The following ELAVL4 variants were observed in gnomAD, a reference collection of about 807,000 sequenced individuals.
ELAVL4 encodes ELAV like RNA binding protein 4, also known as ELAV-like protein 4.
ELAVL4 carries 1 observed loss-of-function variant against 35.6 expected under a neutral mutation model. The observed-to-expected ratio is 0.03, with a 90% CI of 0.01 to 0.13. ELAVL4 has a LOEUF of 0.13. Among genes scored for constraint, ELAVL4 ranks in the 10% least tolerant of loss-of-function variants. The pLI is 1.00. For synonymous variants in ELAVL4, 156 were observed against 171.0 expected, an observed-to-expected ratio of 0.91 and a Z score of 0.69; for missense variants, 267 against 464.9, an observed-to-expected ratio of 0.57 and a Z score of 3.91.
At position 50,195,755 on chromosome 1, in the gene ELAVL4, G is replaced by A. The variant is rs1644017093; in HGVS notation, c.703G>A (p.Gly235Ser). ...CCAGTCCCCCAACCGGCGCTACCCAGGTCCACTTCACCACCAGGCTCAGAG... is the reference window on the plus strand; with the variant it reads ...CCAGTCCCCCAACCGGCGCTACCCAAGTCCACTTCACCACCAGGCTCAGAG... The part of the protein sequence containing the change: ...LYQSPNRRYP[G>S]PLHHQAQRFR... Residue 235 changes from glycine to serine, a missense_variant, in exon 5 of 7, where the codon GGT (glycine) becomes AGT (serine). Gly to Ser is a moderately conservative substitution (Grantham distance 56, BLOSUM62 0). This residue lies in a region of ELAVL4 where 216 missense variants were observed against 409.5 expected (regional missense o/e 0.53). Coordinates refer to ENST00000371824, the MANE Select transcript of ELAVL4 (RefSeq NM_001144774.3). The A allele has an allele frequency of 5.6e-6, 9 of 1,614,022 alleles. No individual in the cohort carries two copies. Among genetic ancestry groups the A allele is most frequent in the African/African-American group, 1.3e-5 (1 of 74,940 alleles).
intron 1 of ELAVL4, among the ~76,000 whole-genome samples, chr1:50,049,835 A>C (rs1280581853): frequency 6.6e-6 from 1 of 152,190 alleles, no homozygotes; most frequent in Non-Finnish European, 1.5e-5. Flanking sequence ...TGAAGAACTA[A>C]AGTAATCCTC....
intron 1 of ELAVL4, among the ~76,000 whole-genome samples, chr1:50,082,925 T>C (rs762135922): frequency 7.9e-5 from 12 of 152,194 alleles, no homozygotes; most frequent in Admixed American, 2.0e-4. Flanking sequence ...TTGTGCCTTG[T>C]ACCCAGTGAA....
At chr1:50,093,530 C>T (rs912395271) in intron 1 of ELAVL4, among the ~76,000 whole-genome samples, 2 of 152,134 alleles carry the variant, frequency 1.3e-5, no homozygotes, top group South Asian at 2.1e-4. Context: ...GTAATGTGAC[C>T]ATGTGACCTG....
At chr1:50,133,572 AAG>A (rs1196627702) in intron 1 of ELAVL4, among the ~76,000 whole-genome samples, 2 of 149,724 alleles carry the variant, frequency 1.3e-5, no homozygotes, top group Non-Finnish European at 3.0e-5. Context: ...AAAAGAAAGA[AAG>A]AGAGAGAGAA....
chr1:50,178,059 T>G (rs1003938424), intron 3 of ELAVL4, among the ~76,000 whole-genome samples: 4 of 152,178 alleles, frequency 2.6e-5, no homozygotes, highest in African/African-American at 4.8e-5. Context: ...GGTGGTGGTC[T>G]AGTGGATGGA....
At chr1:50,146,578 A>G (rs10458563) in intron 2 of ELAVL4, among the ~76,000 whole-genome samples, 24,893 of 152,106 alleles carry the variant, frequency 0.16, 2,562 homozygotes, top group East Asian at 0.35. Context: ...AAAAGTATCT[A>G]TCAAATTCTC....
chr1:50,102,180 A>G (rs982153017), upstream of ELAVL4, among the ~76,000 whole-genome samples: 6 of 151,726 alleles, frequency 4.0e-5, no homozygotes, highest in African/African-American at 1.2e-4. Flanking sequence ...CCAGCTACTC[A>G]GGAGGCTGAG....
intron 1 of ELAVL4, among the ~76,000 whole-genome samples, chr1:50,094,770 A>AAATAAATC (rs2148508380): frequency 6.7e-6 from 1 of 149,660 alleles, no homozygotes; most frequent in Non-Finnish European, 1.5e-5. Context: ...ATAAATAAAT[A>AAATAAATC]AATAAATAAA....
At chr1:50,057,898 G>A (rs988832488) in intron 1 of ELAVL4, among the ~76,000 whole-genome samples, 2 of 152,166 alleles carry the variant, frequency 1.3e-5, no homozygotes, top group South Asian at 2.1e-4. Context: ...TTGTATACAT[G>A]GGACAATCTT....
At chr1:50,094,013 G>T (rs867181274) in intron 1 of ELAVL4, among the ~76,000 whole-genome samples, 11 of 152,252 alleles carry the variant, frequency 7.2e-5, no homozygotes, top group Admixed American at 6.5e-4. Flanking sequence ...CATATAAAGA[G>T]CTAAGAGTAG....
At chr1:50,058,907 G>C (rs891050486) in intron 1 of ELAVL4, among the ~76,000 whole-genome samples, 3 of 152,012 alleles carry the variant, frequency 2.0e-5, no homozygotes, top group African/African-American at 7.2e-5. Flanking sequence ...CCTGGCCCAG[G>C]ATAATTCTTT....
intron 1 of ELAVL4, among the ~76,000 whole-genome samples, chr1:50,087,186 A>G (rs1177965712): frequency 6.6e-6 from 1 of 152,234 alleles, no homozygotes; most frequent in Non-Finnish European, 1.5e-5. Context: ...ATGGATCCCC[A>G]AAACAGCCAA....
intron 2 of ELAVL4, among the ~76,000 whole-genome samples, chr1:50,162,164 T>C (rs931113605): frequency 1.3e-4 from 20 of 152,226 alleles, no homozygotes; most frequent in African/African-American, 4.8e-4. Context: ...CTTTAGACAA[T>C]AGATGAAATG....
At chr1:50,100,383 C>A (rs147422580), upstream of ELAVL4, among the ~76,000 whole-genome samples, 20 of 152,244 alleles carry the variant, frequency 1.3e-4, no homozygotes, top group South Asian at 1.2e-3. Flanking sequence ...TTCAGAGGAG[C>A]CTTCATAGGG....
chr1:50,093,773 C>T (rs919601808), intron 1 of ELAVL4, among the ~76,000 whole-genome samples: 6 of 152,168 alleles, frequency 3.9e-5, no homozygotes, highest in African/African-American at 9.7e-5. Context: ...ATGAACAAAA[C>T]GTGGTCTCTC....
At chr1:50,116,475 G>A (rs1489204784) in intron 1 of ELAVL4, among the ~76,000 whole-genome samples, 7 of 151,754 alleles carry the variant, frequency 4.6e-5, no homozygotes, top group Admixed American at 6.6e-5. Context: ...CCGGTGTGCC[G>A]TGGGATGTGC....
At chr1:50,196,443 T>TCTATTA (rs1644065524) in intron 5 of ELAVL4, among the ~76,000 whole-genome samples, 1 of 152,226 alleles carries the variant, frequency 6.6e-6, no homozygotes, top group African/African-American at 2.4e-5. Flanking sequence ...AGTATGACCT[T>TCTATTA]GACTGGTCTC....
At chr1:50,161,301 C>T (rs529485537) in intron 2 of ELAVL4, among the ~76,000 whole-genome samples, 1 of 151,988 alleles carries the variant, frequency 6.6e-6, no homozygotes, top group African/African-American at 2.4e-5. Context: ...ACTATTCTTT[C>T]CTGTCTTGTA....
At chr1:50,158,561 C>G (rs1045446233) in intron 2 of ELAVL4, among the ~76,000 whole-genome samples, 1 of 152,194 alleles carries the variant, frequency 6.6e-6, no homozygotes, top group African/African-American at 2.4e-5. Flanking sequence ...CTGCTGACTA[C>G]TCACACAGTG....
Sources: gnomAD v4.1 joint callset for allele counts (sites outside exome capture counted in the v4.1 genomes callset) on GRCh38, gnomAD v4.1.1 for gene constraint, gnomAD v4.1.1 regional missense constraint, MANE v1.5 for transcripts, NCBI Gene and HGNC (gene_info 2026-07-23, HGNC 2026-07-21) for gene names.